NECAB3: variants seen among roughly 807,000 people sequenced by gnomAD.
The protein encoded by NECAB3 is N-terminal EF-hand calcium-binding protein 3.
NECAB3 carries 38 observed loss-of-function variants against 57.2 expected under a neutral mutation model. The ratio of observed to expected loss-of-function variants is 0.66; its 90% CI spans 0.51 to 0.87. The LOEUF (loss-of-function observed/expected upper bound fraction) is 0.87, where lower values mean the gene tolerates loss of function less well. NECAB3 is among the 40% of genes least tolerant of loss of function. The probability of loss-of-function intolerance (pLI) is 0.00; values close to 1 mark genes in which losing one functional copy is unlikely to be tolerated. For synonymous variants in NECAB3, 223 were observed against 222.6 expected, an observed-to-expected ratio of 1.00 and a Z score of -0.02; for missense variants, 474 against 527.5, an observed-to-expected ratio of 0.90 and a Z score of 0.99.
chr20:33,667,489 G>C, intron 5 of NECAB3: 2 of 1,476,652 alleles, frequency 1.4e-6, no homozygotes, highest in Non-Finnish European at 1.8e-6. Flanking sequence ...GGCAGTGCCC[G>C]CGTGCCACAT....
chr20:33,662,280 G>A (rs1410418115), intron 5 of NECAB3: 1 of 1,532,788 alleles, frequency 6.5e-7, no homozygotes, highest in East Asian at 2.5e-5. Context: ...TCACAATGTT[G>A]CCAGGGCCCA....
At chr20:33,667,425 G>T (rs1185303163) in intron 5 of NECAB3, 4 of 1,409,360 alleles carry the variant, frequency 2.8e-6, no homozygotes, top group Non-Finnish European at 3.7e-6. Flanking sequence ...GCGACTCGCC[G>T]TTGGCGCCGC....
chr20:33,674,423 C>T lies in NECAB3; in HGVS notation c.-71G>A. The T allele has an allele frequency of 1.8e-6, 2 of 1,089,484 alleles. No individual in the cohort carries two copies. Among genetic ancestry groups the T allele is most frequent in the Non-Finnish European group, 1.1e-6 (1 of 897,384 alleles). 67.5% of individuals were successfully genotyped at this position (1,089,484 alleles called of 1,614,324 possible). On this transcript the variant is annotated 5_prime_UTR_variant, in exon 1 of 12. Transcript: ENST00000246190. ...GGACGCCGCGGCGGACTCGGTGTGGCTAGAGGCCGCCCCTTGGCGCCGGCG... is the reference window on the plus strand; with the variant it reads ...GGACGCCGCGGCGGACTCGGTGTGGTTAGAGGCCGCCCCTTGGCGCCGGCG...
Position 33,674,383 on chromosome 20 carries a change from G to A in NECAB3, c.-31C>T, listed in dbSNP as rs1225811417. On this transcript the variant is annotated 5_prime_UTR_variant, in exon 1 of 12. Coordinates refer to ENST00000246190, the MANE Select transcript of NECAB3 (RefSeq NM_031232.4). The stretch of plus-strand genomic sequence containing the variant: ...CGCCACCCGCTCGGGCTCGGCTGCG[G>A]TTGCTGCCGACCCTGGACGCCGCGG... 5 of 1,155,326 alleles carry A rather than the reference G, an allele frequency of 4.3e-6. No homozygotes were observed. Among genetic ancestry groups the A allele is most frequent in the South Asian group, 4.2e-5 (1 of 23,636 alleles). 71.6% of individuals were successfully genotyped at this position (1,155,326 alleles called of 1,614,324 possible).
At chr20:33,669,141 C>T in intron 5 of NECAB3, 1 of 545,034 alleles carries the variant, frequency 1.8e-6, no homozygotes, top group Non-Finnish European at 3.2e-6. Flanking sequence ...AAAATCCCTG[C>T]CTTCGTTCTC....
At chr20:33,674,191 G>C in intron 1 of NECAB3, 33 bp downstream of exon 1, 2 of 1,254,430 alleles carry the variant, frequency 1.6e-6, no homozygotes, top group Admixed American at 7.2e-5. Flanking sequence ...CTCGGGTAGG[G>C]AGACACCGCG....
At chr20:33,659,848 T>C (rs774968277) in intron 7 of NECAB3, 37 bp downstream of exon 7, 12 of 1,537,788 alleles carry the variant, frequency 7.8e-6, no homozygotes, top group Non-Finnish European at 8.7e-6. Context: ...ATGCGGTGCC[T>C]GCCTCGGCCA....
At position 33,659,668 on chromosome 20, in the gene NECAB3, G is replaced by T. The variant is rs931389133; in HGVS notation, c.708C>A (p.Asp236Glu). 6.2e-7 allele frequency: 1 copy of T among 1,610,782 alleles called. No individual in the cohort carries two copies. Residue 236 changes from aspartate (D) to glutamate (E), a missense_variant, in exon 8 of 12, where the codon GAC (aspartate) becomes GAA (glutamate). By Grantham distance (45) the Asp-to-Glu change is conservative. Transcript: ENST00000246190. ...LQVNRLQELIDQLECKVRAVG... is the reference protein window; with the variant it reads ...LQVNRLQELIEQLECKVRAVG... ...CGGCCCTCACCTTGCACTCGAGCTG[G>T]TCGATGAGCTCCTGGAGGCGGTTCA...
At chr20:33,664,468 C>CA (rs1491302146) in intron 5 of NECAB3, 1 of 190,042 alleles carries the variant, frequency 5.3e-6, no homozygotes, top group African/African-American at 2.3e-5. Flanking sequence ...TCAGGCCCCC[C>CA]AGTCTTCCCC....
At chr20:33,668,421 G>T in intron 5 of NECAB3, 1 of 767,306 alleles carries the variant, frequency 1.3e-6, no homozygotes, top group Non-Finnish European at 1.9e-6. Context: ...ACTGCAGTTT[G>T]AATCTCCCCA....
At chr20:33,670,633 G>T (rs750915933) in intron 3 of NECAB3, 51 bp downstream of exon 3, 1 of 1,349,260 alleles carries the variant, frequency 7.4e-7, no homozygotes, top group South Asian at 1.2e-5. Flanking sequence ...GACACAGTGG[G>T]GTAAAGACAA....
chr20:33,668,360 C>G (rs1317099228), intron 5 of NECAB3: 1 of 1,332,038 alleles, frequency 7.5e-7, no homozygotes, highest in African/African-American at 1.5e-5. Flanking sequence ...ACCCCCATAC[C>G]CTTTCTGGGC....
intron 5 of NECAB3, chr20:33,668,309 T>G: frequency 6.6e-7 from 1 of 1,515,574 alleles, no homozygotes; most frequent in Admixed American, 2.2e-5. Context: ...TGTTTGGAGC[T>G]GGCAGGGTCC....
At chr20:33,658,156 G>A in intron 10 of NECAB3, 123 bp from the exon 11 acceptor site, 1 of 853,150 alleles carries the variant, frequency 1.2e-6, no homozygotes, top group Non-Finnish European at 1.8e-6. Flanking sequence ...CTGTGACACG[G>A]GGAAGCTGTG....
intron 5 of NECAB3, chr20:33,665,598 G>A (rs1202117465): frequency 6.6e-6 from 1 of 152,206 alleles, no homozygotes; most frequent in African/African-American, 2.4e-5. Flanking sequence ...TTTCAATAAA[G>A]TCCTTATTTT....
At chr20:33,672,256 G>A (rs2017842950) in intron 2 of NECAB3, 142 bp downstream of exon 2, 9 of 971,402 alleles carry the variant, frequency 9.3e-6, no homozygotes, top group Non-Finnish European at 1.5e-5. Flanking sequence ...CCTCTGGGAA[G>A]TGCCTTGATT....
intron 4 of NECAB3, 98 bp downstream of exon 4, chr20:33,669,589 C>A: frequency 6.5e-7 from 1 of 1,536,328 alleles, no homozygotes. Flanking sequence ...TGAGCCCAGC[C>A]CAACCTGTCC....
intron 5 of NECAB3, chr20:33,662,140 T>C (rs1050571849): frequency 2.8e-5 from 17 of 598,428 alleles, no homozygotes; most frequent in Non-Finnish European, 4.9e-5. Flanking sequence ...CATTGCCTCA[T>C]TTATGATCAT....
At chr20:33,658,871 C>T (rs1340172537) in intron 8 of NECAB3, 37 bp from the exon 9 acceptor site, 16 of 1,513,932 alleles carry the variant, frequency 1.1e-5, no homozygotes, top group East Asian at 2.3e-5. Flanking sequence ...GGTGCGGGGC[C>T]GGGCACAGGG....
Sources: gnomAD v4.1 joint callset for allele counts on GRCh38, gnomAD v4.1.1 for gene constraint, MANE v1.5 for transcripts, NCBI Gene and HGNC (gene_info 2026-07-23, HGNC 2026-07-21) for gene names.